Variants in WAC observed in about 807,000 individuals in gnomAD.
WAC encodes the protein WW domain-containing adapter protein with coiled-coil.
A neutral mutation model predicts 79.6 loss-of-function variants in WAC; 11 were observed. The observed-to-expected ratio is 0.14, with a 90% confidence interval of 0.09 to 0.23. The LOEUF (loss-of-function observed/expected upper bound fraction) is 0.23, where lower values mean the gene tolerates loss of function less well. Among genes scored for constraint, WAC ranks in the 10% least tolerant of loss-of-function variants. The probability of loss-of-function intolerance (pLI) is 1.00; values close to 1 mark genes in which losing one functional copy is unlikely to be tolerated. For missense variants in WAC, 728 were observed against 773.5 expected (o/e 0.94, Z 0.70); for synonymous variants, 304 against 276.9 (o/e 1.10, Z -0.97).
intron 3 of WAC, among the ~76,000 whole-genome samples, chr10:28,543,193 C>T (rs1837157861): frequency 6.6e-6 from 1 of 152,180 alleles, no homozygotes. Context: ...GTGATACCTA[C>T]ACTTCACTAG....
intron 13 of WAC, chr10:28,618,137 T>A (rs1352240454): frequency 6.0e-6 from 1 of 166,790 alleles, no homozygotes; most frequent in Non-Finnish European, 1.3e-5. Flanking sequence ...CATCAATAGA[T>A]CCCTTGAAAA....
rs781071847 is a variant in WAC at position 28,611,889 on chromosome 10, G to A, written c.1404G>A (p.Leu468=). The part of the protein sequence containing the change: ...PQTNTVPIKP[L]ISTPPVSSQP... Reference sequence around the variant, plus strand: ...CTAACACAGTCCCTATCAAACCTTTGATCAGTACTCCTCCTGTTTCATCAC... The same window carrying A: ...CTAACACAGTCCCTATCAAACCTTTAATCAGTACTCCTCCTGTTTCATCAC... Residue 468 remains leucine, a synonymous_variant, in exon 10 of 14, where the codon TTG becomes TTA. Transcript: ENST00000354911. The A allele has an allele frequency of 1.2e-6, 2 of 1,614,038 alleles. No homozygotes were observed. The highest frequency in any genetic ancestry group is 1.7e-6 in the Non-Finnish European group (2 of 1,180,018).
chr10:28,620,886 T>A lies in WAC; in HGVS notation c.*1280T>A, dbSNP rs778216574. 2 of 152,224 alleles carry A rather than the reference T, an allele frequency of 1.3e-5. No homozygotes were observed. Among genetic ancestry groups the A allele is most frequent in the Non-Finnish European group, 2.9e-5 (2 of 68,024 alleles). The allele number at this position is 152,224 out of a possible 1,614,324, so 9.4% of individuals were successfully genotyped here. Reference sequence around the variant, plus strand: ...CTTAGCCATCACAAAACGCTAAATTTGTGTAATTGGAGCTTCCTGCTGTTA... The same window carrying A: ...CTTAGCCATCACAAAACGCTAAATTAGTGTAATTGGAGCTTCCTGCTGTTA... On this transcript the variant is annotated 3_prime_UTR_variant, in exon 14 of 14. Transcript: ENST00000354911.
chr10:28,561,023 A>G (rs1395356245), intron 3 of WAC, among the ~76,000 whole-genome samples: 3 of 152,180 alleles, frequency 2.0e-5, no homozygotes, highest in South Asian at 2.1e-4. Flanking sequence ...GAGAATGTCT[A>G]CTGAATGCCA....
intron 3 of WAC, among the ~76,000 whole-genome samples, chr10:28,561,048 C>T (rs1838276056): frequency 6.6e-6 from 1 of 152,120 alleles, no homozygotes; most frequent in Non-Finnish European, 1.5e-5. Context: ...AAGAGGATGT[C>T]TCAAGGATAT....
At chr10:28,609,541 C>T (rs768805992) in intron 8 of WAC, among the ~76,000 whole-genome samples, 4 of 152,154 alleles carry the variant, frequency 2.6e-5, no homozygotes, top group Non-Finnish European at 2.9e-5. Flanking sequence ...TCTAACCACG[C>T]AGTTCTCTTG....
intron 3 of WAC, among the ~76,000 whole-genome samples, chr10:28,553,449 T>C (rs1479228760): frequency 1.3e-5 from 2 of 152,232 alleles, no homozygotes; most frequent in Non-Finnish European, 2.9e-5. Context: ...ATACAATTTT[T>C]ATTTCTGGTG....
At chr10:28,584,636 T>C (rs181648235) in intron 4 of WAC, among the ~76,000 whole-genome samples, 1 of 152,248 alleles carries the variant, frequency 6.6e-6, no homozygotes, top group Admixed American at 6.5e-5. Context: ...TGATTTTGCT[T>C]TGAGTATTTG....
chr10:28,536,241 C>T (rs1470363452), intron 3 of WAC, among the ~76,000 whole-genome samples: 3 of 58,404 alleles, frequency 5.1e-5, no homozygotes, highest in Non-Finnish European at 9.3e-5. Context: ...GAGTGAGACT[C>T]CATTAAAAAA....
chr10:28,585,577 A>T (rs1293798165), intron 4 of WAC, among the ~76,000 whole-genome samples: 5 of 143,534 alleles, frequency 3.5e-5, no homozygotes, highest in Non-Finnish European at 7.6e-5. Flanking sequence ...GGAAGGGAGG[A>T]TGAGGCCAAG....
At chr10:28,544,617 G>C (rs111733982) in intron 3 of WAC, among the ~76,000 whole-genome samples, 23 of 152,274 alleles carry the variant, frequency 1.5e-4, no homozygotes, top group African/African-American at 3.8e-4. Context: ...AGCTGCTGCT[G>C]CTTTCTTTGT....
At chr10:28,551,975 C>T (rs1039566359) in intron 3 of WAC, among the ~76,000 whole-genome samples, 5 of 151,994 alleles carry the variant, frequency 3.3e-5, no homozygotes, top group South Asian at 2.1e-4. Context: ...TCCAGGCATG[C>T]GCCACGACGC....
chr10:28,551,441 A>G (rs1837662914), intron 3 of WAC, among the ~76,000 whole-genome samples: 2 of 152,222 alleles, frequency 1.3e-5, no homozygotes, highest in Admixed American at 6.5e-5. Context: ...GATTGAAAGC[A>G]TATAAGCTAT....
At chr10:28,571,439 G>A (rs777140794) in intron 3 of WAC, among the ~76,000 whole-genome samples, 5 of 152,250 alleles carry the variant, frequency 3.3e-5, no homozygotes, top group African/African-American at 7.2e-5. Flanking sequence ...TACAGTAACC[G>A]TGTTCCTGTC....
intron 3 of WAC, among the ~76,000 whole-genome samples, chr10:28,557,662 C>G (rs1345647923): frequency 6.6e-6 from 1 of 151,968 alleles, no homozygotes; most frequent in Non-Finnish European, 1.5e-5. Context: ...CCACTGCACT[C>G]CAGCCTGGGA....
At chr10:28,571,447 G>A (rs1415683555) in intron 3 of WAC, among the ~76,000 whole-genome samples, 1 of 152,128 alleles carries the variant, frequency 6.6e-6, no homozygotes, top group African/African-American at 2.4e-5. Flanking sequence ...CCGTGTTCCT[G>A]TCAGACTGTT....
At chr10:28,595,404 A>G (rs758194511) in intron 6 of WAC, among the ~76,000 whole-genome samples, 10 of 149,408 alleles carry the variant, frequency 6.7e-5, no homozygotes, top group Non-Finnish European at 1.3e-4. Flanking sequence ...ATAAGATATT[A>G]TAACTCCATA....
chr10:28,538,751 TG>T (rs1211302960), intron 3 of WAC, among the ~76,000 whole-genome samples: 2 of 150,640 alleles, frequency 1.3e-5, no homozygotes. Flanking sequence ...ATTTTTTTTT[TG>T]ATTAGCTGGG....
At chr10:28,582,769 T>C (rs749112341) in intron 3 of WAC, among the ~76,000 whole-genome samples, 31 of 152,332 alleles carry the variant, frequency 2.0e-4, no homozygotes, top group Non-Finnish European at 3.8e-4. Context: ...GTCACTGACA[T>C]ATACAGATTT....
Sources: gnomAD v4.1 joint callset for allele counts (sites outside exome capture counted in the v4.1 genomes callset) on GRCh38, gnomAD v4.1.1 for gene constraint, MANE v1.5 for transcripts, NCBI Gene and HGNC (gene_info 2026-07-23, HGNC 2026-07-21) for gene names.